GATAD2A: variants seen among roughly 807,000 people sequenced by gnomAD.
GATAD2A encodes the protein transcriptional repressor p66-alpha.
In GATAD2A, 12 loss-of-function variants were observed where a neutral mutation model predicts 68.5. The observed-to-expected ratio is 0.18, with a 90% CI of 0.11 to 0.28. The LOEUF (loss-of-function observed/expected upper bound fraction) is 0.28, where lower values mean the gene tolerates loss of function less well. GATAD2A is among the 10% of genes least tolerant of loss of function. The pLI, the probability that GATAD2A is intolerant of heterozygous loss-of-function variation, is 1.00. For synonymous variants in GATAD2A, 410 were observed against 375.3 expected, an observed-to-expected ratio of 1.09 and a Z score of -1.07; for missense variants, 755 against 868.5, an observed-to-expected ratio of 0.87 and a Z score of 1.64.
intron 1 of GATAD2A, among the ~76,000 whole-genome samples, chr19:19,444,090 C>CT (rs2055412723): frequency 6.6e-6 from 1 of 152,130 alleles, no homozygotes; most frequent in African/African-American, 2.4e-5. Context: ...GGCTTTCTGG[C>CT]TTTGACTGGA....
rs760826335 is a variant in GATAD2A at position 19,492,704 on chromosome 19, G to A, written c.526G>A (p.Ala176Thr). 22 of 1,613,970 alleles carry A rather than the reference G, an allele frequency of 1.4e-5. No homozygotes were observed. Among genetic ancestry groups the A allele is most frequent in the African/African-American group, 2.7e-5 (2 of 74,930 alleles). The change falls in exon 4 of 12, where the codon GCC (alanine) becomes ACC (threonine). Residue 176 changes from alanine to threonine, a missense_variant. Physicochemically the swap from Ala to Thr is moderately conservative, Grantham distance 58. Coordinates refer to ENST00000683918, the MANE Select transcript of GATAD2A (RefSeq NM_001384528.1). ...RQSQIQKEAT[A>T]QKPTGSVGST... ...GAGTCAAATACAAAAGGAAGCCACCGCCCAGAAGGTGCGTGCCTGTCTCCC... is the reference window on the plus strand; with the variant it reads ...GAGTCAAATACAAAAGGAAGCCACCACCCAGAAGGTGCGTGCCTGTCTCCC...
intron 1 of GATAD2A, among the ~76,000 whole-genome samples, chr19:19,459,342 A>G (rs945148450): frequency 2.7e-5 from 4 of 150,694 alleles, no homozygotes; most frequent in African/African-American, 9.7e-5. Context: ...TAGTGAAGTT[A>G]CTTTCAGTTT....
intron 1 of GATAD2A, among the ~76,000 whole-genome samples, chr19:19,455,947 G>A (rs374512065): frequency 1.3e-5 from 2 of 152,062 alleles, no homozygotes; most frequent in African/African-American, 4.8e-5. Flanking sequence ...TCAGGAGATC[G>A]AGACCATCCT....
At chr19:19,408,260 C>T (rs1325678008) in intron 1 of GATAD2A, among the ~76,000 whole-genome samples, 1 of 152,228 alleles carries the variant, frequency 6.6e-6, no homozygotes, top group Non-Finnish European at 1.5e-5. Context: ...GCTGGGATTA[C>T]AGGCGTGAGC....
rs540427048 is a variant in GATAD2A at position 19,476,731 on chromosome 19, C to T, written c.269+11117C>T. 5.3e-5 allele frequency among the ~76,000 whole-genome samples: 8 copies of T among 152,210 alleles called. No individual in the cohort carries two copies. In the South Asian group the frequency reaches 6.2e-4, roughly 12 times the overall value. ...TGTGTGCAGAACAGGTAGAAACAGACGGAGTGGATACCTGGGAACCTGCAG... is the reference window on the plus strand; with the variant it reads ...TGTGTGCAGAACAGGTAGAAACAGATGGAGTGGATACCTGGGAACCTGCAG... On this transcript the variant is annotated intron_variant, in intron 2 of 11. Coordinates refer to ENST00000683918, the MANE Select transcript of GATAD2A (RefSeq NM_001384528.1).
In GATAD2A at chr19:19,501,244, C is replaced by T. The variant is rs776065152; in HGVS notation, c.1331C>T (p.Thr444Ile). ...GCCATCATGTGTGAGAACTGCATGA[C>T]AACCAACCAGAAGAAGGCGCTCAAG... ...SGAIMCENCM[T>I]TNQKKALKVE... Residue 444 changes from threonine (T) to isoleucine (I), a missense_variant, in exon 9 of 12, where the codon ACA becomes ATA. Coordinates refer to ENST00000683918, the MANE Select transcript of GATAD2A (RefSeq NM_001384528.1). 2.5e-6 allele frequency: 4 copies of T among 1,613,336 alleles called. No homozygotes were observed. In the African/African-American group the frequency reaches 5.3e-5, roughly 22 times the overall value.
intron 2 of GATAD2A, chr19:19,474,239 GC>G: frequency 2.3e-6 from 2 of 858,266 alleles, no homozygotes; most frequent in African/African-American, 3.7e-5. Context: ...CACTGGAATT[GC>G]CCCCAACCCC....
intron 1 of GATAD2A, chr19:19,464,757 G>C (rs2057735432): frequency 6.2e-6 from 1 of 160,268 alleles, no homozygotes; most frequent in African/African-American, 2.4e-5. Flanking sequence ...TACCTCACTG[G>C]CAACCAAAGG....
At chr19:19,439,717 C>T (rs1303812449) in intron 1 of GATAD2A, among the ~76,000 whole-genome samples, 1 of 152,012 alleles carries the variant, frequency 6.6e-6, no homozygotes, top group African/African-American at 2.4e-5. Context: ...TGTGGTGATG[C>T]ACGCTTGTAA....
intron 8 of GATAD2A, among the ~76,000 whole-genome samples, chr19:19,499,763 T>C (rs961642930): frequency 1.6e-4 from 25 of 152,200 alleles, no homozygotes; most frequent in African/African-American, 4.3e-4. Context: ...GAGTTGCTTG[T>C]AACCCACTCC....
chr19:19,425,625 C>T (rs372429224), intron 1 of GATAD2A, among the ~76,000 whole-genome samples: 17 of 152,110 alleles, frequency 1.1e-4, no homozygotes, highest in East Asian at 7.7e-4. Flanking sequence ...GTACCTCAGG[C>T]GGGGTCACTG....
intron 1 of GATAD2A, among the ~76,000 whole-genome samples, chr19:19,452,754 T>G (rs2056521315): frequency 6.6e-6 from 1 of 152,046 alleles, no homozygotes; most frequent in South Asian, 2.1e-4. Context: ...GTAACTTTGT[T>G]TTCGGACCTT....
chr19:19,464,376 C>G lies in GATAD2A; in HGVS notation c.-6-964C>G, dbSNP rs568861547. On this transcript the variant is annotated intron_variant, in intron 1 of 11. Transcript: ENST00000683918. ...CTCTCTCTGTCTCAATTCCTGTGCC[C>G]TGTCCTGTTGGGACGTCGAGGCCGG... Among the ~76,000 whole-genome samples, 4 of 152,358 alleles carry G rather than the reference C, an allele frequency of 2.6e-5. No homozygotes were observed. The South Asian group carries it at 8.3e-4, about 32-fold the overall frequency.
intron 1 of GATAD2A, among the ~76,000 whole-genome samples, chr19:19,407,414 C>A (rs1388847840): frequency 1.3e-5 from 2 of 152,162 alleles, no homozygotes; most frequent in Non-Finnish European, 2.9e-5. Flanking sequence ...CTATAACAAT[C>A]CCGTGGGGAG....
chr19:19,390,784 T>C (rs2146833143), intron 1 of GATAD2A, among the ~76,000 whole-genome samples: 1 of 152,308 alleles, frequency 6.6e-6, no homozygotes, highest in East Asian at 1.9e-4. Context: ...AGCAGTTACC[T>C]GGTGAGTGAT....
chr19:19,499,238 T>A (rs146474619), intron 8 of GATAD2A, among the ~76,000 whole-genome samples: 12 of 152,278 alleles, frequency 7.9e-5, no homozygotes, highest in African/African-American at 2.9e-4. Context: ...TACGGGGTGA[T>A]CACAGCATTG....
chr19:19,399,106 C>T lies in GATAD2A; in HGVS notation c.-7+12968C>T, dbSNP rs376435273. ...AGGCATGGTGGCCCACGCCTGTAAT[C>T]TCAGCTACTTGGGAGGCTCAAGCAT... is the stretch of plus-strand genomic sequence containing the variant. On this transcript the variant is annotated intron_variant, in intron 1 of 11. Transcript: ENST00000360315. Among the ~76,000 whole-genome samples, 66 of 152,296 alleles carry T rather than the reference C, an allele frequency of 4.3e-4. 1 individual carries two copies. The highest frequency in any genetic ancestry group is 1.5e-3 in the African/African-American group (63 of 41,570).
intron 1 of GATAD2A, chr19:19,427,837 C>G (rs1356072831): frequency 6.6e-6 from 1 of 152,028 alleles, no homozygotes; most frequent in Admixed American, 6.6e-5. Flanking sequence ...CCACACCCAG[C>G]TAATTTTTGT....
chr19:19,454,730 C>T (rs544441214), intron 1 of GATAD2A, among the ~76,000 whole-genome samples: 1 of 118,402 alleles, frequency 8.4e-6, no homozygotes, highest in Non-Finnish European at 1.7e-5. Context: ...GCCACTGTGC[C>T]CCCCCCCACC....
Sources: gnomAD v4.1 joint callset for allele counts (sites outside exome capture counted in the v4.1 genomes callset) on GRCh38, gnomAD v4.1.1 for gene constraint, MANE v1.5 for transcripts, NCBI Gene and HGNC (gene_info 2026-07-23, HGNC 2026-07-21) for gene names.